The following HS2ST1 variants were observed in gnomAD, a reference collection of about 807,000 sequenced individuals.
HS2ST1 encodes the protein 2-O-sulfotransferase.
Under a neutral mutation model 42.9 loss-of-function variants are expected in HS2ST1, and 18 were observed. The ratio of observed to expected loss-of-function variants is 0.42; its 90% CI spans 0.29 to 0.62. The LOEUF (loss-of-function observed/expected upper bound fraction) is 0.62. Among genes scored for constraint, HS2ST1 ranks in the 20% least tolerant of loss-of-function variants. The probability of loss-of-function intolerance (pLI) is 0.21; values close to 1 mark genes in which losing one functional copy is unlikely to be tolerated. For synonymous variants in HS2ST1, 146 were observed against 152.9 expected (o/e 0.95, Z 0.33); for missense variants, 334 against 433.8 (o/e 0.77, Z 2.04).
chr1:87,086,712 C>T (rs1651825049), intron 3 of HS2ST1, among the ~76,000 whole-genome samples: 2 of 152,038 alleles, frequency 1.3e-5, no homozygotes, highest in South Asian at 2.1e-4. Flanking sequence ...TTGTTTTTTA[C>T]TGAACTTTAG....
At chr1:86,966,274 T>G (rs1181853551) in intron 1 of HS2ST1, among the ~76,000 whole-genome samples, 1 of 152,206 alleles carries the variant, frequency 6.6e-6, no homozygotes, top group Non-Finnish European at 1.5e-5. Flanking sequence ...GGACTCCTAT[T>G]TGATGTACCC....
At chr1:86,973,689 C>A (rs1175951985) in intron 1 of HS2ST1, among the ~76,000 whole-genome samples, 1 of 152,044 alleles carries the variant, frequency 6.6e-6, no homozygotes, top group Non-Finnish European at 1.5e-5. Context: ...AATTTTTTTC[C>A]CAAAACCTTA....
At chr1:86,983,265 G>C (rs1034053014) in intron 1 of HS2ST1, among the ~76,000 whole-genome samples, 1 of 152,182 alleles carries the variant, frequency 6.6e-6, no homozygotes, top group Non-Finnish European at 1.5e-5. Context: ...TTACACTGCT[G>C]TAAAGAATAC....
At chr1:86,948,484 T>C (rs1570439727) in intron 1 of HS2ST1, among the ~76,000 whole-genome samples, 1 of 152,338 alleles carries the variant, frequency 6.6e-6, no homozygotes, top group Middle Eastern at 3.4e-3. Context: ...CGTTCATTCA[T>C]GTGTAGTTGT....
rs770268919 is a variant in HS2ST1 at position 87,073,020 on chromosome 1, G to A, written c.211G>A (p.Glu71Lys). The A allele has an allele frequency of 6.2e-7, 1 of 1,614,052 alleles. No homozygotes were observed. Among genetic ancestry groups the A allele is most frequent in the Non-Finnish European group, 8.5e-7 (1 of 1,179,978 alleles). Residue 71 changes from glutamate to lysine, a missense_variant, in exon 2 of 7, where the codon GAA (glutamate) becomes AAA (lysine). By Grantham distance (56) the Glu-to-Lys change is moderately conservative. Transcript: ENST00000370550. ...GPRQDATLDE[E>K]EDMVIIYNRV... ...TCGGCAAGATGCCACTTTAGATGAG[G>A]AAGAGGACATGGTGATCATTTATAA...
At chr1:86,969,234 C>T (rs1233132815) in intron 1 of HS2ST1, among the ~76,000 whole-genome samples, 11 of 152,210 alleles carry the variant, frequency 7.2e-5, no homozygotes, top group African/African-American at 2.7e-4. Context: ...GTTCTAACCT[C>T]AGTTATAAGT....
chr1:87,040,552 G>A (rs1650495546), intron 1 of HS2ST1, among the ~76,000 whole-genome samples: 1 of 152,098 alleles, frequency 6.6e-6, no homozygotes, highest in Admixed American at 6.6e-5. Context: ...TGCTTTGCAG[G>A]CTAGGCATAA....
rs116815808 is a variant in HS2ST1, at chr1:87,000,159, C to G, written c.125-72775C>G. ...CAAAAGTAGTACAGTTCTTATAAAG[C>G]AAATAATGAGTAGTCTTACCTTTAA... On this transcript the variant is annotated intron_variant, in intron 1 of 6. Transcript: ENST00000370550. Among the ~76,000 whole-genome samples, 807 of 150,754 alleles carry G rather than the reference C, an allele frequency of 5.4e-3. 10 individuals carry two copies. Among genetic ancestry groups the G allele is most frequent in the African/African-American group, 0.019 (765 of 41,020 alleles).
chr1:86,976,704 GTATATATA>G (rs147039703), intron 1 of HS2ST1, among the ~76,000 whole-genome samples: 1 of 79,662 alleles, frequency 1.3e-5, no homozygotes, highest in Non-Finnish European at 2.7e-5. Flanking sequence ...TTATAAAATT[GTATATATA>G]TATATATATT....
At chr1:87,033,746 G>A (rs1650298333) in intron 1 of HS2ST1, among the ~76,000 whole-genome samples, 3 of 152,138 alleles carry the variant, frequency 2.0e-5, no homozygotes, top group African/African-American at 7.2e-5. Context: ...TTTTCACTAT[G>A]TTGGCCAGAC....
At chr1:86,989,512 A>G (rs1195262645) in intron 1 of HS2ST1, among the ~76,000 whole-genome samples, 1 of 152,238 alleles carries the variant, frequency 6.6e-6, no homozygotes, top group African/African-American at 2.4e-5. Flanking sequence ...ATATTGCAAC[A>G]TTTTTAGAAG....
chr1:87,094,151 C>G lies in HS2ST1; in HGVS notation c.588+1482C>G, dbSNP rs1652009610. Among the ~76,000 whole-genome samples, 3 of 151,998 alleles carry G rather than the reference C, an allele frequency of 2.0e-5. No homozygotes were observed. In the South Asian group the frequency reaches 6.2e-4, roughly 31 times the overall value. The stretch of plus-strand genomic sequence containing the variant: ...TTTATTTTAGCCCTACTTACACTAA[C>G]TCTTGACTCAGTAAATGTTAGTATC... On this transcript the variant is annotated intron_variant, in intron 4 of 6. Transcript: ENST00000370550.
At chr1:86,949,285 T>A (rs1325239710) in intron 1 of HS2ST1, among the ~76,000 whole-genome samples, 1 of 152,148 alleles carries the variant, frequency 6.6e-6, no homozygotes, top group Non-Finnish European at 1.5e-5. Context: ...ATTTTTGTAT[T>A]TTTAGTAGAG....
At chr1:86,938,784 A>G (rs1316164968) in intron 1 of HS2ST1, among the ~76,000 whole-genome samples, 1 of 152,160 alleles carries the variant, frequency 6.6e-6, no homozygotes, top group East Asian at 1.9e-4. Flanking sequence ...GTAACTGATT[A>G]GTATCCAACT....
At chr1:87,006,468 T>G (rs1005261514) in intron 1 of HS2ST1, among the ~76,000 whole-genome samples, 3 of 152,146 alleles carry the variant, frequency 2.0e-5, no homozygotes, top group African/African-American at 7.2e-5. Context: ...AGGCAATGCC[T>G]GTCTACTGAT....
intron 1 of HS2ST1, among the ~76,000 whole-genome samples, chr1:86,954,526 A>G (rs960709339): frequency 3.3e-5 from 5 of 152,214 alleles, no homozygotes; most frequent in African/African-American, 4.8e-5. Context: ...TTGTTTAATT[A>G]TACATTGTTC....
chr1:87,101,348 TA>T (rs1444169208), intron 5 of HS2ST1, among the ~76,000 whole-genome samples: 25 of 151,550 alleles, frequency 1.6e-4, no homozygotes, highest in Non-Finnish European at 3.1e-4. Flanking sequence ...GTATTTTTAG[TA>T]AAGATGGGGT....
At chr1:87,076,015 C>G (rs1651534520) in intron 2 of HS2ST1, among the ~76,000 whole-genome samples, 2 of 152,092 alleles carry the variant, frequency 1.3e-5, no homozygotes, top group African/African-American at 4.8e-5. Context: ...GAACATAAAA[C>G]ATAAACACAG....
At chr1:86,924,764 G>A (rs917038090) in intron 1 of HS2ST1, among the ~76,000 whole-genome samples, 1 of 152,128 alleles carries the variant, frequency 6.6e-6, no homozygotes, top group South Asian at 2.1e-4. Context: ...CCTGGCCCAC[G>A]AAACCATTTT....
Sources: gnomAD v4.1 joint callset for allele counts (sites outside exome capture counted in the v4.1 genomes callset) on GRCh38, gnomAD v4.1.1 for gene constraint, MANE v1.5 for transcripts, NCBI Gene and HGNC (gene_info 2026-07-23, HGNC 2026-07-21) for gene names.